ERC2: variants seen among roughly 807,000 people sequenced by gnomAD.
ERC2 encodes ELKS/RAB6-interacting/CAST family member 2, also known as ERC protein 2.
ERC2 carries 42 observed loss-of-function variants against 114.8 expected under a neutral mutation model. The observed-to-expected ratio is 0.37, with a 90% CI of 0.29 to 0.47. The LOEUF is 0.47. Among genes scored for constraint, ERC2 ranks in the 20% least tolerant of loss-of-function variants. ERC2 has a pLI of 0.99. For missense variants in ERC2, 939 were observed against 1,150.7 expected, an observed-to-expected ratio of 0.82 and a Z score of 2.66; for synonymous variants, 454 against 425.5, an observed-to-expected ratio of 1.07 and a Z score of -0.82.
rs986963218 is a variant in ERC2, at chr3:55,772,384, G to C, written c.2565-37466C>G. ...GGCTGGAGTGCAGTGGCGCGATCTC[G>C]GCTCACTGCAAGCTCCGCCTCCCGG... On this transcript the variant is annotated intron_variant, in intron 14 of 17. Coordinates refer to ENST00000288221, the MANE Select transcript of ERC2 (RefSeq NM_015576.3). Among the ~76,000 whole-genome samples the C allele has an allele frequency of 5.3e-5, 8 of 151,612 alleles. No homozygotes were observed. The East Asian group carries it at 1.6e-3, about 30-fold the overall frequency.
chr3:56,463,053 C>A (rs2063387485), intron 1 of ERC2, among the ~76,000 whole-genome samples: 2 of 152,098 alleles, frequency 1.3e-5, no homozygotes, highest in South Asian at 4.1e-4. Context: ...ATGGGGAAAT[C>A]TCATCTTTAC....
At chr3:55,988,445 G>A (rs1470542956) in intron 11 of ERC2, among the ~76,000 whole-genome samples, 1 of 152,222 alleles carries the variant, frequency 6.6e-6, no homozygotes, top group Non-Finnish European at 1.5e-5. Flanking sequence ...AATGGCTGAT[G>A]AGAAACACCA....
intron 3 of ERC2, among the ~76,000 whole-genome samples, chr3:56,295,234 C>T (rs1304340591): frequency 1.3e-5 from 2 of 152,182 alleles, no homozygotes; most frequent in Admixed American, 6.5e-5. Context: ...GTGAGATCCA[C>T]GTCTCCCTAC....
chr3:56,375,764 C>T (rs1475253100), intron 2 of ERC2, among the ~76,000 whole-genome samples: 1 of 152,164 alleles, frequency 6.6e-6, no homozygotes, highest in Non-Finnish European at 1.5e-5. Context: ...TTGATTGTGG[C>T]CTCGATCTAG....
chr3:55,653,880 A>G (rs1274304646), intron 17 of ERC2, among the ~76,000 whole-genome samples: 1 of 152,156 alleles, frequency 6.6e-6, no homozygotes, highest in African/African-American at 2.4e-5. Context: ...TGCTGGCCCC[A>G]GCTCTTTCTT....
chr3:55,523,732 T>C (rs1232281759), intron 17 of ERC2, among the ~76,000 whole-genome samples: 1 of 152,216 alleles, frequency 6.6e-6, no homozygotes, highest in African/African-American at 2.4e-5. Context: ...ACAGTGGGCA[T>C]GCAATAAATA....
chr3:55,621,131 A>G (rs2059307566), intron 17 of ERC2, among the ~76,000 whole-genome samples: 1 of 152,104 alleles, frequency 6.6e-6, no homozygotes, highest in Non-Finnish European at 1.5e-5. Flanking sequence ...CTTATCCACT[A>G]AAACCCCGAT....
intron 16 of ERC2, among the ~76,000 whole-genome samples, chr3:55,690,648 A>G (rs1368854947): frequency 6.6e-6 from 1 of 152,184 alleles, no homozygotes; most frequent in African/African-American, 2.4e-5. Context: ...AGAAAAAAAA[A>G]ACACTCTACC....
intron 1 of ERC2, among the ~76,000 whole-genome samples, chr3:56,454,533 C>T (rs2062971419): frequency 6.6e-6 from 1 of 152,046 alleles, no homozygotes; most frequent in South Asian, 2.1e-4. Context: ...CCGAAATGTC[C>T]ACTGATGTTG....
At chr3:56,040,667 T>A (rs1470059823) in intron 7 of ERC2, among the ~76,000 whole-genome samples, 1 of 140,408 alleles carries the variant, frequency 7.1e-6, no homozygotes, top group Non-Finnish European at 1.5e-5. Context: ...TATATACATA[T>A]ATAGATAGAT....
intron 13 of ERC2, among the ~76,000 whole-genome samples, chr3:55,917,679 CAG>C (rs1302538146): frequency 6.6e-6 from 1 of 152,088 alleles, no homozygotes; most frequent in Non-Finnish European, 1.5e-5. Flanking sequence ...GTTATAGGTA[CAG>C]AGTTTCCTTT....
At chr3:56,288,227 G>A (rs1576285446) in intron 3 of ERC2, among the ~76,000 whole-genome samples, 1 of 152,102 alleles carries the variant, frequency 6.6e-6, no homozygotes, top group Non-Finnish European at 1.5e-5. Context: ...CACTGCTGAG[G>A]TTTTATTTGT....
intron 3 of ERC2, among the ~76,000 whole-genome samples, chr3:56,285,009 TCTCACACACA>T (rs759772023): frequency 4.7e-5 from 6 of 128,496 alleles, no homozygotes; most frequent in African/African-American, 9.2e-5. Context: ...TCTCTCTCTC[TCTCACACACA>T]CACACACACA....
At chr3:55,660,570 T>C (rs1297151995) in intron 17 of ERC2, among the ~76,000 whole-genome samples, 4 of 151,282 alleles carry the variant, frequency 2.6e-5, no homozygotes, top group African/African-American at 7.3e-5. Context: ...CCAAGGGCAT[T>C]AAAACAAGGT....
intron 7 of ERC2, among the ~76,000 whole-genome samples, chr3:56,026,198 C>T (rs541666367): frequency 2.6e-5 from 4 of 151,300 alleles, no homozygotes; most frequent in Admixed American, 1.3e-4. Flanking sequence ...TACAGGTGTG[C>T]ACTACCACGC....
chr3:56,108,959 A>T (rs1199092055), intron 6 of ERC2, among the ~76,000 whole-genome samples: 1 of 152,192 alleles, frequency 6.6e-6, no homozygotes, highest in Non-Finnish European at 1.5e-5. Flanking sequence ...TATTAAGATA[A>T]ATTAAACAGA....
chr3:56,297,520 T>G (rs923836022), intron 2 of ERC2, among the ~76,000 whole-genome samples: 9 of 152,208 alleles, frequency 5.9e-5, no homozygotes, highest in Admixed American at 6.5e-5. Flanking sequence ...TTGAAGATAG[T>G]TGATGAATTT....
intron 3 of ERC2, among the ~76,000 whole-genome samples, chr3:56,193,423 G>A (rs539070557): frequency 6.6e-6 from 1 of 151,692 alleles, no homozygotes; most frequent in African/African-American, 2.4e-5. Flanking sequence ...CAAGAGAATC[G>A]CTTGAATCTA....
At chr3:55,879,688 A>G (rs2063031321) in intron 14 of ERC2, among the ~76,000 whole-genome samples, 1 of 152,244 alleles carries the variant, frequency 6.6e-6, no homozygotes, top group Admixed American at 6.5e-5. Context: ...GCTAAGTGAC[A>G]TAACATACCA....
Sources: allele counts gnomAD v4.1 joint callset (sites outside exome capture counted in the v4.1 genomes callset), GRCh38; gene constraint gnomAD v4.1.1; transcripts MANE v1.5; gene names NCBI Gene and HGNC (gene_info 2026-07-23, HGNC 2026-07-21).